Variants in TMEM131 observed in about 807,000 individuals in gnomAD.
The protein encoded by TMEM131 is 2610524E03Rik.
TMEM131 carries 66 observed loss-of-function variants against 211.6 expected under a neutral mutation model. That is an observed-to-expected ratio of 0.31 (90% CI 0.26 to 0.38). The LOEUF is 0.38. TMEM131 is among the 10% of genes least tolerant of loss of function. TMEM131 has a pLI of 1.00. For missense variants in TMEM131, 2,036 were observed against 2,299.3 expected, an observed-to-expected ratio of 0.89 and a Z score of 2.34; for synonymous variants, 844 against 841.3, an observed-to-expected ratio of 1.00 and a Z score of -0.06.
At chr2:97,866,003 C>T (rs2105202944) in intron 4 of TMEM131, among the ~76,000 whole-genome samples, 1 of 148,606 alleles carries the variant, frequency 6.7e-6, no homozygotes, top group Non-Finnish European at 1.5e-5. Context: ...CTGCCTCAGC[C>T]TCCCGAGTAG....
intron 4 of TMEM131, among the ~76,000 whole-genome samples, chr2:97,864,755 A>G (rs1375777535): frequency 1.3e-5 from 2 of 152,220 alleles, no homozygotes; most frequent in Non-Finnish European, 2.9e-5. Context: ...GGCAAAGGAA[A>G]GTGAGTGTCA....
At chr2:97,813,935 G>A (rs774691037) in intron 15 of TMEM131, 36 bp downstream of exon 15, 1 of 1,473,344 alleles carries the variant, frequency 6.8e-7, no homozygotes, top group Non-Finnish European at 9.2e-7. Context: ...AAGGTGGGCA[G>A]GGAGTTTAAA....
rs566454863 is a variant in TMEM131 at position 97,797,432 on chromosome 2, T to C, written c.2803A>G (p.Lys935Glu). Residue 935 changes from lysine (K) to glutamate (E), a missense_variant, in exon 26 of 41, where the codon AAG becomes GAG. Around this residue, in one of 3 missense-constraint regions of TMEM131, gnomAD observed 1,623 missense variants for 1,805.9 expected, o/e 0.90. Coordinates refer to ENST00000186436, the MANE Select transcript of TMEM131 (RefSeq NM_015348.2). ...GTAAACTTTACTTTGACAGATTTCT[T>C]TTCTCCAGGTTTTAAAATTAGGTTT... Reference protein sequence around the residue: ...ILNLILKPGEKKSVKVKFTPV... With the variant: ...ILNLILKPGEEKSVKVKFTPV... 2 of 1,613,122 alleles carry C rather than the reference T, an allele frequency of 1.2e-6. No homozygotes were observed. Among genetic ancestry groups the C allele is most frequent in the Admixed American group, 3.3e-5 (2 of 59,982 alleles).
intron 3 of TMEM131, among the ~76,000 whole-genome samples, chr2:97,892,452 C>CT (rs1675419592): frequency 6.6e-6 from 1 of 152,084 alleles, no homozygotes; most frequent in Admixed American, 6.5e-5. Flanking sequence ...CCTTGACCTC[C>CT]TGGGCTCAAG....
intron 31 of TMEM131, among the ~76,000 whole-genome samples, chr2:97,783,271 G>T (rs1407097022): frequency 6.6e-6 from 1 of 151,976 alleles, no homozygotes; most frequent in South Asian, 2.1e-4. Context: ...AAAACTCAGA[G>T]AATTCATATC....
chr2:97,957,119 C>T (rs1277533901), intron 1 of TMEM131, among the ~76,000 whole-genome samples: 1 of 151,640 alleles, frequency 6.6e-6, no homozygotes, highest in Non-Finnish European at 1.5e-5. Flanking sequence ...AAAAGTTATC[C>T]TACAGCAATA....
At chr2:97,876,859 A>C (rs1416847073) in intron 4 of TMEM131, among the ~76,000 whole-genome samples, 1 of 152,214 alleles carries the variant, frequency 6.6e-6, no homozygotes, top group Admixed American at 6.5e-5. Context: ...CAGGGCAATC[A>C]GGCAAGAGAA....
chr2:97,854,373 G>A (rs2105155730), intron 5 of TMEM131, among the ~76,000 whole-genome samples: 1 of 152,264 alleles, frequency 6.6e-6, no homozygotes, highest in Non-Finnish European at 1.5e-5. Context: ...AAAATTCTGT[G>A]ACTGGCTTAC....
At chr2:97,954,050 T>C (rs1329325299) in intron 1 of TMEM131, among the ~76,000 whole-genome samples, 1 of 152,210 alleles carries the variant, frequency 6.6e-6, no homozygotes, top group African/African-American at 2.4e-5. Flanking sequence ...GTGACGCTTA[T>C]ATTAGAAAAG....
intron 3 of TMEM131, 27 bp from the exon 4 acceptor site, chr2:97,888,147 GA>G: frequency 6.3e-7 from 1 of 1,579,930 alleles, no homozygotes. Context: ...AACAACATAA[GA>G]AGCAATTCTT....
At chr2:97,825,460 C>G (rs1202272776) in intron 11 of TMEM131, among the ~76,000 whole-genome samples, 1 of 152,150 alleles carries the variant, frequency 6.6e-6, no homozygotes, top group Non-Finnish European at 1.5e-5. Context: ...TACGGGGGTT[C>G]CTTGGCATCA....
At chr2:97,818,386 A>G (rs1573407190) in intron 12 of TMEM131, among the ~76,000 whole-genome samples, 1 of 141,012 alleles carries the variant, frequency 7.1e-6, no homozygotes, top group East Asian at 2.2e-4. Context: ...TTCTATTGCT[A>G]ATACTGATTT....
chr2:97,811,263 A>G (rs746956163), intron 17 of TMEM131, 31 bp from the exon 18 acceptor site: 1 of 1,545,536 alleles, frequency 6.5e-7, no homozygotes. Flanking sequence ...ATCATTCATT[A>G]GCCTTGTTAG....
At chr2:97,962,999 A>C (rs1200026685) in intron 1 of TMEM131, among the ~76,000 whole-genome samples, 1 of 152,236 alleles carries the variant, frequency 6.6e-6, no homozygotes, top group Non-Finnish European at 1.5e-5. Flanking sequence ...GTTGCCTGAG[A>C]CCAGTGATGA....
intron 4 of TMEM131, among the ~76,000 whole-genome samples, chr2:97,864,597 A>C (rs1261514676): frequency 6.6e-6 from 1 of 152,244 alleles, no homozygotes; most frequent in Admixed American, 6.5e-5. Flanking sequence ...ATAGTGATTT[A>C]GTACATGCTG....
intron 32 of TMEM131, among the ~76,000 whole-genome samples, chr2:97,775,478 C>G (rs1679680088): frequency 6.6e-6 from 1 of 152,196 alleles, no homozygotes; most frequent in African/African-American, 2.4e-5. Context: ...GGTAGAGTTC[C>G]TTCTCATTCT....
chr2:97,926,197 T>C (rs371893908), intron 2 of TMEM131, among the ~76,000 whole-genome samples: 12 of 152,186 alleles, frequency 7.9e-5, no homozygotes, highest in African/African-American at 2.9e-4. Flanking sequence ...TTGGGCAAAA[T>C]TCACATTTTA....
At chr2:97,839,027 G>C (rs1683067896) in intron 7 of TMEM131, among the ~76,000 whole-genome samples, 1 of 152,006 alleles carries the variant, frequency 6.6e-6, no homozygotes, top group Non-Finnish European at 1.5e-5. Flanking sequence ...AACAATGCTT[G>C]AAAACAGAAG....
At chr2:97,852,719 A>C (rs1025710112) in intron 5 of TMEM131, among the ~76,000 whole-genome samples, 44 of 152,228 alleles carry the variant, frequency 2.9e-4, no homozygotes, top group African/African-American at 9.6e-4. Flanking sequence ...CTAAACAACA[A>C]ATTTTCCATG....
Sources: gnomAD v4.1 joint callset for allele counts (sites outside exome capture counted in the v4.1 genomes callset) on GRCh38, gnomAD v4.1.1 for gene constraint, gnomAD v4.1.1 regional missense constraint, MANE v1.5 for transcripts, NCBI Gene and HGNC (gene_info 2026-07-23, HGNC 2026-07-21) for gene names.